LDB2: variants seen among roughly 807,000 people sequenced by gnomAD.
The protein encoded by LDB2 is LIM domain binding 2, also known as LIM domain-binding protein 2.
In LDB2, 12 loss-of-function variants were observed where a neutral mutation model predicts 44.3. That is an observed-to-expected ratio of 0.27 (90% CI 0.17 to 0.44). The LOEUF is 0.44. Ranked by LOEUF, LDB2 falls within the 20% of genes least tolerant of loss-of-function variation. LDB2 has a pLI of 1.00. For synonymous variants in LDB2, 164 were observed against 174.8 expected, an observed-to-expected ratio of 0.94 and a Z score of 0.49; for missense variants, 344 against 473.5, an observed-to-expected ratio of 0.73 and a Z score of 2.54.
At chr4:16,865,119 G>T (rs75326219) in intron 1 of LDB2, among the ~76,000 whole-genome samples, 7,466 of 152,038 alleles carry the variant, frequency 0.049, 580 homozygotes, top group African/African-American at 0.17. Flanking sequence ...GGGCTTGGTG[G>T]TGTGAGCCTG....
intron 1 of LDB2, among the ~76,000 whole-genome samples, chr4:16,877,194 G>A (rs764957460): frequency 2.0e-5 from 3 of 152,100 alleles, no homozygotes; most frequent in Non-Finnish European, 4.4e-5. Context: ...TCCAATCCAG[G>A]GCAATACTCT....
At chr4:16,808,484 G>A (rs1331354909) in intron 1 of LDB2, among the ~76,000 whole-genome samples, 1 of 152,098 alleles carries the variant, frequency 6.6e-6, no homozygotes. Flanking sequence ...GTTGTGTTTT[G>A]AGGGATTTTT....
intron 3 of LDB2, among the ~76,000 whole-genome samples, chr4:16,589,265 T>C (rs1185585988): frequency 1.3e-5 from 2 of 152,198 alleles, no homozygotes; most frequent in Non-Finnish European, 2.9e-5. Flanking sequence ...CATGGTTAAG[T>C]GTGAGTTACT....
At chr4:16,513,292 C>A (rs1365584192) in intron 5 of LDB2, among the ~76,000 whole-genome samples, 1 of 152,188 alleles carries the variant, frequency 6.6e-6, no homozygotes, top group Non-Finnish European at 1.5e-5. Flanking sequence ...GTTACTTCTT[C>A]TGTTAAGCCT....
At chr4:16,846,775 C>T (rs977121039) in intron 1 of LDB2, among the ~76,000 whole-genome samples, 12 of 152,192 alleles carry the variant, frequency 7.9e-5, no homozygotes, top group South Asian at 4.2e-4. Flanking sequence ...TATTAAGATG[C>T]CAAAGCCAAA....
At chr4:16,611,927 C>T (rs1359841643) in intron 2 of LDB2, among the ~76,000 whole-genome samples, 1 of 152,176 alleles carries the variant, frequency 6.6e-6, no homozygotes, top group Admixed American at 6.6e-5. Context: ...CTCAATACCA[C>T]ATGGCACTTA....
intron 2 of LDB2, among the ~76,000 whole-genome samples, chr4:16,680,065 A>G (rs142185637): frequency 2.8e-4 from 42 of 152,202 alleles, no homozygotes; most frequent in African/African-American, 9.1e-4. Flanking sequence ...TTGGGAGGTG[A>G]TTAGATCATG....
chr4:16,826,847 G>C (rs866703977), intron 1 of LDB2, among the ~76,000 whole-genome samples: 22 of 152,038 alleles, frequency 1.4e-4, no homozygotes, highest in African/African-American at 5.3e-4. Context: ...GAATTGAAAA[G>C]GTATATTAAA....
At chr4:16,681,850 C>T (rs113683580) in intron 2 of LDB2, among the ~76,000 whole-genome samples, 3,390 of 152,036 alleles carry the variant, frequency 0.022, 67 homozygotes, top group Non-Finnish European at 0.032. Flanking sequence ...GGATTACAGG[C>T]GTGAGCGACT....
At chr4:16,672,170 T>A (rs898642228) in intron 2 of LDB2, among the ~76,000 whole-genome samples, 1 of 152,128 alleles carries the variant, frequency 6.6e-6, no homozygotes, top group Admixed American at 6.5e-5. Flanking sequence ...TCATCCCCAT[T>A]TTCATTGCTG....
At chr4:16,563,569 C>G (rs971601067) in intron 5 of LDB2, among the ~76,000 whole-genome samples, 3 of 150,388 alleles carry the variant, frequency 2.0e-5, no homozygotes, top group African/African-American at 7.3e-5. Context: ...CTGCCTCAGC[C>G]TCCCGAGTAG....
At chr4:16,568,018 C>T (rs1382586957) in intron 5 of LDB2, among the ~76,000 whole-genome samples, 1 of 152,032 alleles carries the variant, frequency 6.6e-6, no homozygotes, top group Non-Finnish European at 1.5e-5. Context: ...CAAGTGGTGG[C>T]CTGTTTTGGA....
chr4:16,624,485 C>T (rs1402721405), intron 2 of LDB2, among the ~76,000 whole-genome samples: 1 of 152,142 alleles, frequency 6.6e-6, no homozygotes, highest in Non-Finnish European at 1.5e-5. Context: ...ATGTGCTCGT[C>T]ATTGGATTAA....
Position 16,787,527 on chromosome 4 carries a change from T to A in LDB2, c.133-28267A>T, listed in dbSNP as rs574946607. Among the ~76,000 whole-genome samples, 46 of 152,120 alleles carry A rather than the reference T, an allele frequency of 3.0e-4. No homozygotes were observed. The South Asian group carries it at 9.3e-3, about 31-fold the overall frequency. On this transcript the variant is annotated intron_variant, in intron 1 of 7. Coordinates refer to ENST00000304523, the MANE Select transcript of LDB2 (RefSeq NM_001290.5). ...TACTCGGGAGGCTGAGGCAAGAGAA[T>A]CACTTGAACCCAGGAGGCTACGGTT...
chr4:16,661,562 A>AT (rs1346744001), intron 2 of LDB2, among the ~76,000 whole-genome samples: 1 of 152,184 alleles, frequency 6.6e-6, no homozygotes, highest in African/African-American at 2.4e-5. Flanking sequence ...AATTTATGCA[A>AT]TACAGAACAG....
intron 2 of LDB2, among the ~76,000 whole-genome samples, chr4:16,715,941 G>T (rs1297012240): frequency 1.3e-5 from 2 of 152,160 alleles, no homozygotes; most frequent in East Asian, 3.9e-4. Flanking sequence ...TTATAGCTGG[G>T]TCCCTCTTGT....
chr4:16,509,085 G>A (rs1006806734), intron 6 of LDB2, among the ~76,000 whole-genome samples: 2 of 152,176 alleles, frequency 1.3e-5, no homozygotes, highest in East Asian at 3.8e-4. Context: ...GGACTCCTGG[G>A]ATCCCTAGGG....
intron 2 of LDB2, among the ~76,000 whole-genome samples, chr4:16,684,091 A>G (rs1042944981): frequency 1.3e-5 from 2 of 152,212 alleles, no homozygotes; most frequent in African/African-American, 4.8e-5. Flanking sequence ...TCCTCCATGG[A>G]AAATGGGAAC....
chr4:16,675,140 A>G (rs1745934814), intron 2 of LDB2, among the ~76,000 whole-genome samples: 2 of 152,206 alleles, frequency 1.3e-5, no homozygotes, highest in Admixed American at 1.3e-4. Flanking sequence ...GAAATGGTGC[A>G]GAAGGGTCTC....
Sources: allele counts gnomAD v4.1 joint callset (sites outside exome capture counted in the v4.1 genomes callset), GRCh38; gene constraint gnomAD v4.1.1; transcripts MANE v1.5; gene names NCBI Gene and HGNC (gene_info 2026-07-23, HGNC 2026-07-21).